The following ABCA4 variants were observed in gnomAD, a reference collection of about 807,000 sequenced individuals.
ABCA4 encodes ATP binding cassette subfamily A member 4.
In ABCA4, 196 loss-of-function variants were observed where a neutral mutation model predicts 263.7. The observed-to-expected ratio is 0.74, with a 90% confidence interval of 0.66 to 0.84. The LOEUF is 0.84. ABCA4 is among the 40% of genes least tolerant of loss of function. The pLI is 0.00. For missense variants in ABCA4, 2,792 were observed against 2,855.1 expected, an observed-to-expected ratio of 0.98 and a Z score of 0.50; for synonymous variants, 1,133 against 1,094.2, an observed-to-expected ratio of 1.04 and a Z score of -0.70.
intron 13 of ABCA4, among the ~76,000 whole-genome samples, chr1:94,062,093 A>G (rs1168079018): frequency 6.6e-6 from 1 of 152,112 alleles, no homozygotes; most frequent in Non-Finnish European, 1.5e-5. Flanking sequence ...CTCATCCAAC[A>G]CATTCCTCTG....
At chr1:94,013,006 G>C (rs487906) in intron 38 of ABCA4, among the ~76,000 whole-genome samples, 137,358 of 152,264 alleles carry the variant, frequency 0.9, 62,584 homozygotes, top group Non-Finnish European at 0.96. Flanking sequence ...AAAATACCAG[G>C]TTTTTGAAGG....
At chr1:94,089,908 T>G (rs1661927111) in intron 6 of ABCA4, among the ~76,000 whole-genome samples, 1 of 152,240 alleles carries the variant, frequency 6.6e-6, no homozygotes. Flanking sequence ...AAGATAATTA[T>G]TCACCCAATT....
At chr1:94,093,284 G>A (rs966772980) in intron 6 of ABCA4, among the ~76,000 whole-genome samples, 1 of 152,170 alleles carries the variant, frequency 6.6e-6, no homozygotes, top group Admixed American at 6.5e-5. Context: ...CCTGGGGTCT[G>A]GCTTCAGCTG....
chr1:94,084,973 T>A (rs1484688307), intron 6 of ABCA4, among the ~76,000 whole-genome samples: 3 of 152,280 alleles, frequency 2.0e-5, no homozygotes, highest in African/African-American at 7.2e-5. Flanking sequence ...CTGAGATTAT[T>A]AGAGATGAAA....
At chr1:94,120,515 CAT>C (rs1027001156) in intron 1 of ABCA4, among the ~76,000 whole-genome samples, 15 of 152,142 alleles carry the variant, frequency 9.9e-5, no homozygotes, top group Admixed American at 2.0e-4. Flanking sequence ...GAAATGCTAA[CAT>C]GTGAAAAAAC....
intron 36 of ABCA4, chr1:94,018,537 A>G: frequency 2.2e-6 from 1 of 455,696 alleles, no homozygotes; most frequent in Non-Finnish European, 4.4e-6. Flanking sequence ...AAGCTGAGTA[A>G]GATAGAAATC....
At chr1:94,014,490 C>T (rs1659667363) in intron 38 of ABCA4, 53 bp downstream of exon 38, 44 of 1,601,908 alleles carry the variant, frequency 2.7e-5, no homozygotes, top group Non-Finnish European at 3.8e-5. Flanking sequence ...TCGACCAACA[C>T]ATACTCTACT....
chr1:94,047,068 T>C lies in ABCA4; in HGVS notation c.2769A>G (p.Pro923=), dbSNP rs562861525. The C allele has an allele frequency of 2.5e-5, 40 of 1,614,150 alleles. No individual in the cohort carries two copies. The African/African-American group carries it at 4.9e-4, about 20-fold the overall frequency. The part of the protein sequence containing the change: ...IHDSFFEREH[P]GWVPGVCVKN... ...TCACGCATACCCCAGGAACCCACCC[T>C]GGATGCTCACGTTCAAAGAAGGAGT... Residue 923 remains proline, a synonymous_variant, in exon 19 of 50, where the codon CCA becomes CCG. Transcript: ENST00000370225.
At chr1:94,011,435 C>A (rs568413080) in intron 38 of ABCA4, 50 bp from the exon 39 acceptor site, 7 of 1,610,440 alleles carry the variant, frequency 4.3e-6, no homozygotes, top group Middle Eastern at 3.3e-4. Context: ...CCCACCCCCC[C>A]TCTCTTCAGC....
At chr1:93,997,734 A>G (rs1659047933) in intron 48 of ABCA4, 127 bp downstream of exon 48, 2 of 1,291,838 alleles carry the variant, frequency 1.5e-6, no homozygotes, top group African/African-American at 1.5e-5. Flanking sequence ...TTTTACCCCA[A>G]TAAACAGAGG....
chr1:94,029,348 A>G, intron 30 of ABCA4, 97 bp downstream of exon 30: 1 of 1,216,674 alleles, frequency 8.2e-7, no homozygotes, highest in African/African-American at 1.5e-5. Flanking sequence ...TGCCAGTTTG[A>G]AATGTTAGTT....
rs61333901 is a variant in ABCA4 at position 94,046,455 on chromosome 1, C to CAA, written c.2918+462_2918+463dup. Among the ~76,000 whole-genome samples, 263 of 42,238 alleles carry CAA rather than the reference C, an allele frequency of 6.2e-3. 15 individuals are homozygous for CAA. Among genetic ancestry groups the CAA allele is most frequent in the East Asian group, 0.061 (64 of 1,050 alleles). 27.7% of individuals were successfully genotyped at this position (42,238 alleles called of 152,430 possible). A position where few individuals can be genotyped will look rare whatever the true frequency, so the allele number is the denominator to read the frequency against. ...CCAGCATGGGTAATGGTTACTATCT[C>CAA]AAAAAAAAAAAAAAAAAAAAAGAAA... On this transcript the variant is annotated intron_variant, in intron 19 of 49. Coordinates refer to ENST00000370225, the MANE Select transcript of ABCA4 (RefSeq NM_000350.3).
chr1:94,059,232 A>C (rs1343177330), intron 14 of ABCA4, among the ~76,000 whole-genome samples: 1 of 152,210 alleles, frequency 6.6e-6, no homozygotes, highest in African/African-American at 2.4e-5. Flanking sequence ...GAAAAGAAGC[A>C]GACTGAGGGA....
intron 6 of ABCA4, among the ~76,000 whole-genome samples, chr1:94,097,910 T>C (rs1368329186): frequency 3.3e-5 from 5 of 152,096 alleles, no homozygotes; most frequent in Admixed American, 6.5e-5. Flanking sequence ...CCACCACACC[T>C]GGCTAATTTT....
intron 18 of ABCA4, among the ~76,000 whole-genome samples, chr1:94,048,034 CT>C (rs1660733946): frequency 6.6e-6 from 1 of 152,240 alleles, no homozygotes; most frequent in Non-Finnish European, 1.5e-5. Flanking sequence ...CCTGATTTGG[CT>C]TAGACTTTCC....
At chr1:94,087,086 A>G (rs1207613956) in intron 6 of ABCA4, among the ~76,000 whole-genome samples, 2 of 152,158 alleles carry the variant, frequency 1.3e-5, no homozygotes, top group South Asian at 2.1e-4. Context: ...GGGGTTTTAC[A>G]AGGGCACTAA....
At chr1:94,036,899 T>C in intron 25 of ABCA4, 111 bp from the exon 26 acceptor site, 1 of 1,085,080 alleles carries the variant, frequency 9.2e-7, no homozygotes, top group Non-Finnish European at 1.4e-6. Context: ...AGAAAATCCA[T>C]TACGACTCTA....
At chr1:94,053,047 C>T (rs1660881934) in intron 16 of ABCA4, among the ~76,000 whole-genome samples, 1 of 152,156 alleles carries the variant, frequency 6.6e-6, no homozygotes, top group Non-Finnish European at 1.5e-5. Context: ...TAAAAACTCT[C>T]GAACAACAAG....
In ABCA4 at chr1:94,031,868, CGT is replaced by C. The variant is rs61751401; in HGVS notation, c.4036_4037del (p.Thr1346GlyfsTer75). 1 of 1,614,174 alleles carries C rather than the reference CGT, an allele frequency of 6.2e-7. No individual in the cohort carries two copies. Among genetic ancestry groups the C allele is most frequent in the Non-Finnish European group, 8.5e-7 (1 of 1,180,024 alleles). ...EPECPGPQLNTGTQLVLQHVQ... is the reference protein window; with the variant it reads ...EPECPGPQLNXGTQLVLQHVQ... ...CATGCTGGAGGACCAGCTGTGTCCC[CGT>C]GTTGAGCTGCGGGCCTGGGCACTCT... On this transcript the variant is annotated frameshift_variant, in exon 27 of 50. Transcript: ENST00000370225. LOFTEE classifies it high-confidence loss of function.
Sources: allele counts gnomAD v4.1 joint callset (sites outside exome capture counted in the v4.1 genomes callset), GRCh38; gene constraint gnomAD v4.1.1; transcripts MANE v1.5; gene names NCBI Gene and HGNC (gene_info 2026-07-23, HGNC 2026-07-21).